SDCCAG8: variants seen among roughly 807,000 people sequenced by gnomAD.
SDCCAG8 encodes the protein SHH signaling and ciliogenesis regulator SDCCAG8, also known as serologically defined colon cancer antigen 8.
In SDCCAG8, 74 loss-of-function variants were observed where a neutral mutation model predicts 101.8. That is an observed-to-expected ratio of 0.73 (90% CI 0.60 to 0.88). The LOEUF (loss-of-function observed/expected upper bound fraction) is 0.88, where lower values mean the gene tolerates loss of function less well. Ranked by LOEUF, SDCCAG8 falls within the 40% of genes least tolerant of loss-of-function variation. SDCCAG8 has a pLI of 0.00. For missense variants in SDCCAG8, 787 were observed against 822.6 expected, an observed-to-expected ratio of 0.96 and a Z score of 0.53; for synonymous variants, 281 against 292.9, an observed-to-expected ratio of 0.96 and a Z score of 0.41.
chr1:243,444,905 T>C (rs1359714114), intron 16 of SDCCAG8, among the ~76,000 whole-genome samples: 1 of 152,194 alleles, frequency 6.6e-6, no homozygotes. Flanking sequence ...AGCATGGACA[T>C]TTAAGATATA....
intron 9 of SDCCAG8, among the ~76,000 whole-genome samples, chr1:243,330,001 T>G (rs961264206): frequency 6.6e-6 from 1 of 152,156 alleles, no homozygotes; most frequent in African/African-American, 2.4e-5. Context: ...TTAAGGGGAG[T>G]GAACTAAATT....
At chr1:243,411,910 T>C (rs1411140915) in intron 13 of SDCCAG8, among the ~76,000 whole-genome samples, 1 of 152,208 alleles carries the variant, frequency 6.6e-6, no homozygotes, top group Non-Finnish European at 1.5e-5. Flanking sequence ...AATTCTTTTT[T>C]ACTCAGTGTT....
chr1:243,351,140 C>G (rs1407913533), intron 12 of SDCCAG8, among the ~76,000 whole-genome samples: 1 of 152,220 alleles, frequency 6.6e-6, no homozygotes, highest in East Asian at 1.9e-4. Context: ...TCTCACTTCT[C>G]CCTCTACAAA....
intron 16 of SDCCAG8, among the ~76,000 whole-genome samples, chr1:243,476,530 G>T (rs572452433): frequency 4.6e-5 from 7 of 152,282 alleles, no homozygotes; most frequent in African/African-American, 1.7e-4. Context: ...ACCACACCAG[G>T]AGGGTTTTAG....
chr1:243,452,432 T>C (rs946345054), intron 16 of SDCCAG8, among the ~76,000 whole-genome samples: 3 of 143,962 alleles, frequency 2.1e-5, no homozygotes, highest in African/African-American at 7.9e-5. Context: ...TTTTTTTTTT[T>C]TTTTTTTTGG....
At chr1:243,293,413 C>G in intron 6 of SDCCAG8, 194 bp downstream of exon 6, 1 of 724,150 alleles carries the variant, frequency 1.4e-6, no homozygotes, top group African/African-American at 1.7e-5. Context: ...TTTTGATCAT[C>G]TCAAACAAAA....
At chr1:243,405,585 A>G (rs2079721971) in intron 13 of SDCCAG8, among the ~76,000 whole-genome samples, 1 of 152,230 alleles carries the variant, frequency 6.6e-6, no homozygotes, top group Non-Finnish European at 1.5e-5. Flanking sequence ...GTTTTAAATT[A>G]TGAACCTTAA....
At chr1:243,472,917 C>T (rs564987638) in intron 16 of SDCCAG8, among the ~76,000 whole-genome samples, 1 of 152,188 alleles carries the variant, frequency 6.6e-6, no homozygotes, top group East Asian at 1.9e-4. Context: ...TAAATGTCCA[C>T]CAGAAATTTC....
intron 4 of SDCCAG8, among the ~76,000 whole-genome samples, 191 bp downstream of exon 4, chr1:243,274,847 A>G (rs1269398216): frequency 1.3e-5 from 2 of 152,148 alleles, no homozygotes; most frequent in Non-Finnish European, 1.5e-5. Context: ...TGACCATACC[A>G]TTTCTGATTG....
intron 16 of SDCCAG8, among the ~76,000 whole-genome samples, chr1:243,450,252 C>T (rs1392893942): frequency 6.6e-6 from 1 of 152,176 alleles, no homozygotes. Flanking sequence ...TCTCTAGGAA[C>T]TGACATTGTT....
At chr1:243,277,284 C>T (rs1378721781) in intron 4 of SDCCAG8, among the ~76,000 whole-genome samples, 1 of 152,194 alleles carries the variant, frequency 6.6e-6, no homozygotes, top group Non-Finnish European at 1.5e-5. Context: ...GTTCCTAATA[C>T]TCCATATCCT....
At chr1:243,289,870 A>G (rs2070048720) in intron 5 of SDCCAG8, among the ~76,000 whole-genome samples, 1 of 151,912 alleles carries the variant, frequency 6.6e-6, no homozygotes, top group Non-Finnish European at 1.5e-5. Context: ...TCTCCTTTTT[A>G]TTGTCTCCTG....
At chr1:243,486,202 CAAAAAAAAA>C (rs57724631) in intron 16 of SDCCAG8, among the ~76,000 whole-genome samples, 2 of 61,416 alleles carry the variant, frequency 3.3e-5, no homozygotes, top group African/African-American at 5.6e-5. Context: ...ACTCTGCCTC[CAAAAAAAAA>C]AAAAAAAAAA....
intron 16 of SDCCAG8, among the ~76,000 whole-genome samples, chr1:243,430,126 G>T (rs2081623148): frequency 6.6e-6 from 1 of 152,016 alleles, no homozygotes; most frequent in African/African-American, 2.4e-5. Context: ...GTGAGCCACT[G>T]TCCCCAGCAG....
intron 6 of SDCCAG8, among the ~76,000 whole-genome samples, chr1:243,300,199 T>C (rs2071367037): frequency 6.6e-6 from 1 of 152,192 alleles, no homozygotes; most frequent in Non-Finnish European, 1.5e-5. Context: ...TTTTGCTTTT[T>C]TTTGTTGGTC....
intron 5 of SDCCAG8, among the ~76,000 whole-genome samples, chr1:243,292,358 C>T (rs1214566840): frequency 6.6e-6 from 1 of 152,144 alleles, no homozygotes; most frequent in Non-Finnish European, 1.5e-5. Context: ...CATGGAGATC[C>T]TAAGGGTCTT....
chr1:243,320,466 G>A (rs1353796358), intron 9 of SDCCAG8, among the ~76,000 whole-genome samples: 1 of 152,084 alleles, frequency 6.6e-6, no homozygotes, highest in African/African-American at 2.4e-5. Context: ...GCTCCCTTTT[G>A]CCCTCCAAGG....
chr1:243,370,225 C>T (rs2077209895), intron 12 of SDCCAG8, among the ~76,000 whole-genome samples: 1 of 151,828 alleles, frequency 6.6e-6, no homozygotes, highest in Non-Finnish European at 1.5e-5. Context: ...TGTCAGCATA[C>T]AATACCTTGA....
intron 6 of SDCCAG8, among the ~76,000 whole-genome samples, chr1:243,295,394 T>A (rs2070769863): frequency 6.6e-6 from 1 of 151,986 alleles, no homozygotes; most frequent in African/African-American, 2.4e-5. Flanking sequence ...TGCGCCACCA[T>A]GCCCGGCTGA....
Sources: gnomAD v4.1 joint callset for allele counts (sites outside exome capture counted in the v4.1 genomes callset) on GRCh38, gnomAD v4.1.1 for gene constraint, MANE v1.5 for transcripts, NCBI Gene and HGNC (gene_info 2026-07-23, HGNC 2026-07-21) for gene names.